Variants in LCP1 observed in about 807,000 individuals in gnomAD.
LCP1 encodes lymphocyte cytosolic protein 1.
Under a neutral mutation model 72.0 loss-of-function variants are expected in LCP1, and 23 were observed. The ratio of observed to expected loss-of-function variants is 0.32; its 90% CI spans 0.23 to 0.45. LCP1 has a LOEUF of 0.45. Among genes scored for constraint, LCP1 ranks in the 20% least tolerant of loss-of-function variants. The pLI is 1.00. For synonymous variants in LCP1, 245 were observed against 275.4 expected (o/e 0.89, Z 1.09); for missense variants, 571 against 748.3 (o/e 0.76, Z 2.76).
At chr13:46,144,401 G>A (rs1340278608) in intron 11 of LCP1, 41 bp downstream of exon 11, 1 of 1,418,296 alleles carries the variant, frequency 7.1e-7, no homozygotes, top group Non-Finnish European at 1.0e-6. Context: ...CTCTTTTGAG[G>A]TCTCTATCTT....
At position 46,158,868 on chromosome 13, in the gene LCP1, A is replaced by G. The variant is rs759557650; in HGVS notation, c.186T>C (p.Asp62=). The G allele has an allele frequency of 3.1e-6, 5 of 1,614,170 alleles. No individual in the cohort carries two copies. The highest frequency in any genetic ancestry group is 4.2e-6 in the Non-Finnish European group (5 of 1,180,042). Residue 62 remains aspartate (D), a synonymous_variant, in exon 3 of 16, where the codon GAT becomes GAC. Coordinates refer to ENST00000323076, the MANE Select transcript of LCP1 (RefSeq NM_002298.5). Reference sequence around the variant, plus strand: ...AGCTGATCCTTCCATCTTGGTCCAGATCACCTGTAGCCATCAGGTTTTCTG... The same window carrying G: ...AGCTGATCCTTCCATCTTGGTCCAGGTCACCTGTAGCCATCAGGTTTTCTG... ...EITENLMATG[D]LDQDGRISFD... is the part of the protein sequence containing the mutation.
At chr13:46,174,540 T>C (rs1272799912) in intron 1 of LCP1, among the ~76,000 whole-genome samples, 1 of 152,176 alleles carries the variant, frequency 6.6e-6, no homozygotes. Context: ...GATCTCTTCC[T>C]GATAGAACAT....
intron 10 of LCP1, among the ~76,000 whole-genome samples, chr13:46,145,908 C>CAAAAAAA (rs527364466): frequency 1.8e-4 from 2 of 11,360 alleles, no homozygotes; most frequent in African/African-American, 1.4e-3. Flanking sequence ...GACTCCGTCT[C>CAAAAAAA]AAAAAAAAAA....
chr13:46,151,134 G>T lies in LCP1; in HGVS notation c.740-56C>A, dbSNP rs545795365. 4.0e-4 allele frequency: 623 copies of T among 1,556,554 alleles called. 6 individuals carry two copies. In the African/African-American group the frequency reaches 7.1e-3, roughly 18 times the overall value. ...AATGCAGCGATGTTGGGGGAGGGGG[G>T]TTGGTTATAACTTTCATTAAGCTCT... On this transcript the variant is annotated intron_variant, in intron 7 of 15. Coordinates refer to ENST00000323076, the MANE Select transcript of LCP1 (RefSeq NM_002298.5).
intron 1 of LCP1, among the ~76,000 whole-genome samples, chr13:46,166,351 G>C (rs1212234661): frequency 2.0e-5 from 3 of 152,134 alleles, no homozygotes; most frequent in Admixed American, 2.0e-4. Flanking sequence ...GGTAGTGCTG[G>C]GCTAGTCAGT....
In LCP1 at chr13:46,156,540, A is replaced by G. The variant is rs1459187052; in HGVS notation, c.389T>C (p.Ile130Thr). The change falls in exon 5 of 16, where the codon ATA becomes ACA. Residue 130 changes from isoleucine (I) to threonine (T), a missense_variant. By Grantham distance (89) the Ile-to-Thr change is moderately conservative. Coordinates refer to ENST00000323076, the MANE Select transcript of LCP1 (RefSeq NM_002298.5). ...EEEKYAFVNW[I>T]NKALENDPDC... is the part of the protein sequence containing the mutation. ...AGGATCATTTTCCAGGGCTTTGTTTATCCAGTTGACAAAGGCATACTTTTC... is the reference window on the plus strand; with the variant it reads ...AGGATCATTTTCCAGGGCTTTGTTTGTCCAGTTGACAAAGGCATACTTTTC... 5 of 1,614,076 alleles carry G rather than the reference A, an allele frequency of 3.1e-6. No individual in the cohort carries two copies. The African/African-American group carries it at 6.7e-5, about 22-fold the overall frequency.
intron 13 of LCP1, among the ~76,000 whole-genome samples, chr13:46,140,219 G>A (rs916788221): frequency 1.3e-5 from 2 of 152,094 alleles, no homozygotes; most frequent in Admixed American, 6.6e-5. Context: ...AAGCTTCAGC[G>A]GCCTTCAGAG....
intron 13 of LCP1, among the ~76,000 whole-genome samples, chr13:46,141,405 C>CAAAAAA (rs762462829): frequency 5.7e-5 from 3 of 52,312 alleles, no homozygotes; most frequent in African/African-American, 8.5e-5. Context: ...GACTCTGTCT[C>CAAAAAA]AAAAAAAAAA....
At chr13:46,142,028 T>C (rs9590946) in intron 13 of LCP1, among the ~76,000 whole-genome samples, 35,277 of 151,860 alleles carry the variant, frequency 0.23, 4,426 homozygotes, top group African/African-American at 0.27. Flanking sequence ...AAGACTACTT[T>C]ATAAGGACAA....
At chr13:46,156,591 T>C in intron 4 of LCP1, 21 bp from the exon 5 acceptor site, 1 of 1,613,892 alleles carries the variant, frequency 6.2e-7, no homozygotes. Context: ...ATGATTAAAG[T>C]GACTCATTTG....
intron 1 of LCP1, among the ~76,000 whole-genome samples, chr13:46,161,597 T>G (rs1300754072): frequency 6.6e-6 from 1 of 152,164 alleles, no homozygotes; most frequent in Non-Finnish European, 1.5e-5. Context: ...GTTTCCTACC[T>G]TCCTTCCTTC....
chr13:46,177,070 G>C (rs77529907), intron 1 of LCP1, among the ~76,000 whole-genome samples: 11 of 152,168 alleles, frequency 7.2e-5, no homozygotes, highest in African/African-American at 2.4e-4. Flanking sequence ...TTGAGTAACA[G>C]GCTCCTTGTA....
chr13:46,174,499 A>G (rs1001778077), intron 1 of LCP1, among the ~76,000 whole-genome samples: 14 of 152,224 alleles, frequency 9.2e-5, no homozygotes, highest in Non-Finnish European at 1.6e-4. Flanking sequence ...TATGTTTGGT[A>G]TACCAGCCGA....
intron 6 of LCP1, 111 bp from the exon 7 acceptor site, chr13:46,153,056 T>C: frequency 9.8e-7 from 1 of 1,019,986 alleles, no homozygotes; most frequent in Non-Finnish European, 1.4e-6. Flanking sequence ...AGGTTTAGAG[T>C]CATGGTCTTC....
chr13:46,156,692 T>C (rs1230500978), intron 4 of LCP1, 122 bp from the exon 5 acceptor site: 3 of 1,021,326 alleles, frequency 2.9e-6, no homozygotes, highest in Middle Eastern at 2.2e-4. Context: ...CAGTCCATTA[T>C]CTTATCATCT....
rs542318094 is a variant in LCP1 at position 46,133,928 on chromosome 13, C to A, written c.1626+199G>T. On this transcript the variant is annotated intron_variant, in intron 14 of 15. Transcript: ENST00000323076. ...TTTACTGATGGGTTTTTATGATTAA[C>A]TTATGGGAGAAAGTATTGAGAAATT... 4.3e-4 allele frequency among the ~76,000 whole-genome samples: 65 copies of A among 152,116 alleles called. 1 individual carries two copies. Among genetic ancestry groups the A allele is most frequent in the African/African-American group, 1.5e-3 (63 of 41,502 alleles).
chr13:46,148,680 C>A, intron 8 of LCP1: 1 of 499,214 alleles, frequency 2.0e-6, no homozygotes, highest in Non-Finnish European at 3.2e-6. Context: ...AAGATATACA[C>A]AAAAGGCACC....
At chr13:46,134,339 G>T in intron 13 of LCP1, 89 bp from the exon 14 acceptor site, 5 of 1,253,216 alleles carry the variant, frequency 4.0e-6, no homozygotes, top group East Asian at 2.4e-5. Flanking sequence ...TTTTTTTTTC[G>T]GGTATGTCAT....
rs74863187 is a variant in LCP1, at chr13:46,156,372, C to T, written c.491+66G>A. 8.8e-3 allele frequency: 13,961 copies of T among 1,584,724 alleles called. 226 individuals are homozygous for T. Among genetic ancestry groups the T allele is most frequent in the East Asian group, 0.071 (3,167 of 44,330 alleles). On this transcript the variant is annotated intron_variant, in intron 5 of 15. Coordinates refer to ENST00000323076, the MANE Select transcript of LCP1 (RefSeq NM_002298.5). ...AACAAAGTTGGCCTACGATAAATAA[C>T]GATTAATTGTTGATGGTCTAGAAAA...
Sources: gnomAD v4.1 joint callset for allele counts (sites outside exome capture counted in the v4.1 genomes callset) on GRCh38, gnomAD v4.1.1 for gene constraint, MANE v1.5 for transcripts, NCBI Gene and HGNC (gene_info 2026-07-23, HGNC 2026-07-21) for gene names.